Variants in NOS1AP observed in about 807,000 individuals in gnomAD.
NOS1AP encodes carboxyl-terminal PDZ ligand of neuronal nitric oxide synthase protein.
In NOS1AP, 21 loss-of-function variants were observed where a neutral mutation model predicts 56.2. The ratio of observed to expected loss-of-function variants is 0.37; its 90% CI spans 0.26 to 0.54. The LOEUF (loss-of-function observed/expected upper bound fraction) is 0.54, where lower values mean the gene tolerates loss of function less well. Among genes scored for constraint, NOS1AP ranks in the 20% least tolerant of loss-of-function variants. The pLI, the probability that NOS1AP is intolerant of heterozygous loss-of-function variation, is 0.84. For missense variants in NOS1AP, 522 were observed against 657.8 expected, an observed-to-expected ratio of 0.79 and a Z score of 2.26; for synonymous variants, 270 against 274.6, an observed-to-expected ratio of 0.98 and a Z score of 0.17.
chr1:162,237,769 G>A (rs1413634642), intron 2 of NOS1AP, among the ~76,000 whole-genome samples: 1 of 152,206 alleles, frequency 6.6e-6, no homozygotes, highest in East Asian at 1.9e-4. Context: ...AGGCTTTGCG[G>A]GGACAGTGTT....
intron 2 of NOS1AP, among the ~76,000 whole-genome samples, chr1:162,185,602 A>G (rs3927642): frequency 0.52 from 79,710 of 152,030 alleles, 22,939 homozygotes; most frequent in East Asian, 0.76. Flanking sequence ...CATGTGCATT[A>G]GGACAGATTG....
intron 1 of NOS1AP, among the ~76,000 whole-genome samples, chr1:162,094,671 C>CT (rs1426856557): frequency 2.6e-5 from 4 of 152,162 alleles, no homozygotes; most frequent in African/African-American, 9.7e-5. Flanking sequence ...TTTCTTTTGA[C>CT]TTTACACTTG....
chr1:162,251,898 A>C (rs1653875321), intron 2 of NOS1AP, among the ~76,000 whole-genome samples: 1 of 117,302 alleles, frequency 8.5e-6, no homozygotes, highest in Non-Finnish European at 1.7e-5. Flanking sequence ...TTGTGGAGAC[A>C]AGGTCCCACT....
intron 1 of NOS1AP, among the ~76,000 whole-genome samples, chr1:162,097,695 T>C (rs1380950267): frequency 3.3e-5 from 5 of 152,214 alleles, no homozygotes; most frequent in Non-Finnish European, 7.3e-5. Flanking sequence ...ATTTCAAGGT[T>C]TATTCAGTTC....
intron 2 of NOS1AP, among the ~76,000 whole-genome samples, chr1:162,269,780 T>G (rs549420428): frequency 2.0e-5 from 3 of 152,276 alleles, no homozygotes; most frequent in Admixed American, 2.0e-4. Context: ...TTCAATTTCC[T>G]TTTGAAAAAT....
chr1:162,267,076 A>T (rs1389290451), intron 2 of NOS1AP, among the ~76,000 whole-genome samples: 2 of 152,242 alleles, frequency 1.3e-5, no homozygotes, highest in Non-Finnish European at 2.9e-5. Flanking sequence ...AAATATAAAC[A>T]GATCACAATG....
At chr1:162,299,978 C>T (rs1281773345) in intron 3 of NOS1AP, among the ~76,000 whole-genome samples, 1 of 152,116 alleles carries the variant, frequency 6.6e-6, no homozygotes, top group Non-Finnish European at 1.5e-5. Flanking sequence ...TTCAATTAAT[C>T]CACTGTATAC....
intron 1 of NOS1AP, among the ~76,000 whole-genome samples, chr1:162,074,405 C>T (rs1691728303): frequency 6.6e-6 from 1 of 152,122 alleles, no homozygotes; most frequent in Non-Finnish European, 1.5e-5. Flanking sequence ...CTAGATTGTT[C>T]CCTTATATCT....
chr1:162,134,813 G>A (rs1387951174), intron 1 of NOS1AP, among the ~76,000 whole-genome samples: 2 of 152,050 alleles, frequency 1.3e-5, no homozygotes, highest in African/African-American at 4.8e-5. Context: ...ATCAAAGTTC[G>A]TGGCTCAAAA....
chr1:162,300,767 A>G (rs191851571), intron 4 of NOS1AP, 61 bp downstream of exon 4: 7 of 1,451,086 alleles, frequency 4.8e-6, no homozygotes, highest in Middle Eastern at 1.7e-4. Context: ...TGCCCCCTAC[A>G]GCCACCTGTC....
At chr1:162,098,707 C>T (rs934584684) in intron 1 of NOS1AP, among the ~76,000 whole-genome samples, 5 of 152,122 alleles carry the variant, frequency 3.3e-5, no homozygotes, top group Non-Finnish European at 7.4e-5. Flanking sequence ...TTTTCCCCAC[C>T]TTGTGTCCAT....
Position 162,367,337 on chromosome 1 carries a change from C to T in NOS1AP, c.1391C>T (p.Ser464Leu). 6.2e-7 allele frequency: 1 copy of T among 1,613,098 alleles called. No individual in the cohort carries two copies. The highest frequency in any genetic ancestry group is 8.5e-7 in the Non-Finnish European group (1 of 1,179,886). Residue 464 changes from serine to leucine, a missense_variant, in exon 10 of 10, where the codon TCG becomes TTG. This residue lies in a region of NOS1AP where 160 missense variants were observed against 180.3 expected (regional missense o/e 0.89). Transcript: ENST00000361897. The surrounding 1 kb of genome is among the most constrained non-coding windows in gnomAD (Gnocchi z 6.5). ...LIKFRESGIASEYESNTDESE... is the reference protein window; with the variant it reads ...LIKFRESGIALEYESNTDESE... ...AAGTTCCGAGAGTCAGGCATCGCCT[C>T]GGAGTACGAGTCCAACACGGACGAG...
intron 1 of NOS1AP, among the ~76,000 whole-genome samples, chr1:162,127,527 T>TA (rs76852734): frequency 0.034 from 3,911 of 113,394 alleles, 135 homozygotes; most frequent in African/African-American, 0.11. Context: ...GGGTACTTTA[T>TA]AAAAAAAAAA....
chr1:162,242,984 C>G (rs1027679732), intron 2 of NOS1AP, among the ~76,000 whole-genome samples: 1 of 142,498 alleles, frequency 7.0e-6, no homozygotes, highest in Non-Finnish European at 1.5e-5. Flanking sequence ...CCCCTATATA[C>G]GCATACCCAT....
chr1:162,132,934 T>C (rs1157698782), intron 1 of NOS1AP, among the ~76,000 whole-genome samples: 1 of 152,232 alleles, frequency 6.6e-6, no homozygotes, highest in Non-Finnish European at 1.5e-5. Flanking sequence ...CTCTGGCTCT[T>C]CTGTCAGAGC....
chr1:162,285,803 G>A lies in NOS1AP; in HGVS notation c.178-1541G>A, dbSNP rs577387453. Among the ~76,000 whole-genome samples, 5 of 152,262 alleles carry A rather than the reference G, an allele frequency of 3.3e-5. No homozygotes were observed. The South Asian group carries it at 1.0e-3, about 32-fold the overall frequency. On this transcript the variant is annotated intron_variant, in intron 2 of 9. Coordinates refer to ENST00000361897, the MANE Select transcript of NOS1AP (RefSeq NM_014697.3). The stretch of plus-strand genomic sequence containing the variant: ...TTGGTAAAAGAAGAGCTGCTGACAG[G>A]GTAGAGTGGAGGTGGGGAAGTGACC...
At chr1:162,231,269 C>A (rs542838543) in intron 2 of NOS1AP, among the ~76,000 whole-genome samples, 5 of 150,562 alleles carry the variant, frequency 3.3e-5, no homozygotes, top group Admixed American at 2.0e-4. Flanking sequence ...TGCCTCCTGG[C>A]CATTTGGGTG....
intron 3 of NOS1AP, among the ~76,000 whole-genome samples, chr1:162,300,177 G>A (rs1197608051): frequency 6.6e-6 from 1 of 152,026 alleles, no homozygotes; most frequent in African/African-American, 2.4e-5. Context: ...CCCACACTGG[G>A]GTGCTTCTCA....
At chr1:162,236,339 A>T (rs1258531613) in intron 2 of NOS1AP, among the ~76,000 whole-genome samples, 1 of 152,206 alleles carries the variant, frequency 6.6e-6, no homozygotes, top group East Asian at 1.9e-4. Context: ...AGCCCCTATG[A>T]ACCTGTTAGA....
Sources: allele counts gnomAD v4.1 joint callset (sites outside exome capture counted in the v4.1 genomes callset), GRCh38; gene constraint gnomAD v4.1.1; regional missense constraint gnomAD v4.1.1; non-coding constraint Gnocchi (gnomAD v3.1); transcripts MANE v1.5; gene names NCBI Gene and HGNC (gene_info 2026-07-23, HGNC 2026-07-21).